TMEM91: variants seen among roughly 807,000 people sequenced by gnomAD.
TMEM91 encodes dispanin subfamily C member 3.
A neutral mutation model predicts 13.3 loss-of-function variants in TMEM91; 6 were observed. That is an observed-to-expected ratio of 0.45 (90% CI 0.25 to 0.89). The LOEUF (loss-of-function observed/expected upper bound fraction) is 0.89. TMEM91 is among the 40% of genes least tolerant of loss of function. The probability of loss-of-function intolerance (pLI) is 0.19; values close to 1 mark genes in which losing one functional copy is unlikely to be tolerated. For synonymous variants in TMEM91, 87 were observed against 101.7 expected (o/e 0.86, Z 0.87); for missense variants, 193 against 228.7 (o/e 0.84, Z 1.01).
chr19:41,382,751 T>TGG, intron 2 of TMEM91, 21 bp from the exon 3 acceptor site: 4 of 1,609,244 alleles, frequency 2.5e-6, no homozygotes, highest in Non-Finnish European at 3.4e-6. Flanking sequence ...GATGCCCACC[T>TGG]GGGCACTTTC....
intron 1 of TMEM91, among the ~76,000 whole-genome samples, chr19:41,369,448 A>C (rs1426834217): frequency 6.8e-6 from 1 of 147,906 alleles, no homozygotes; most frequent in Admixed American, 6.8e-5. Context: ...TCCAGGCTGC[A>C]GTGAGCTATG....
chr19:41,372,580 C>G (rs1460443091), upstream of TMEM91, among the ~76,000 whole-genome samples: 5 of 152,076 alleles, frequency 3.3e-5, no homozygotes, highest in African/African-American at 1.2e-4. Flanking sequence ...TAGGCGACCT[C>G]CTTTGTAGAG....
At chr19:41,379,265 C>T (rs949299332) in intron 2 of TMEM91, among the ~76,000 whole-genome samples, 2 of 149,906 alleles carry the variant, frequency 1.3e-5, no homozygotes, top group Admixed American at 6.7e-5. Flanking sequence ...AGGACTGCCT[C>T]GCCCAGGAGT....
upstream of TMEM91, among the ~76,000 whole-genome samples, chr19:41,375,644 C>T (rs2038702792): frequency 6.6e-6 from 1 of 151,496 alleles, no homozygotes; most frequent in Non-Finnish European, 1.5e-5. Flanking sequence ...CAGCACTCCT[C>T]CGCAAAAAAA....
intron 1 of TMEM91, among the ~76,000 whole-genome samples, chr19:41,365,326 T>C (rs1250562104): frequency 2.0e-5 from 3 of 152,214 alleles, no homozygotes; most frequent in South Asian, 2.1e-4. Context: ...TAATAATGCA[T>C]ATATCAACTA....
chr19:41,381,437 T>C (rs901514565), intron 2 of TMEM91, among the ~76,000 whole-genome samples: 1 of 150,008 alleles, frequency 6.7e-6, no homozygotes, highest in Non-Finnish European at 1.5e-5. Flanking sequence ...CTCGGCTCAC[T>C]GCAAGCTCTG....
intron 3 of TMEM91, 171 bp downstream of exon 3, chr19:41,383,092 C>G: frequency 2.1e-6 from 2 of 947,494 alleles, no homozygotes; most frequent in Non-Finnish European, 3.1e-6. Context: ...CTCACTTTGT[C>G]GCCCAGGCTG....
At chr19:41,378,137 TG>T in intron 1 of TMEM91, 143 bp from the exon 2 acceptor site, 1 of 613,716 alleles carries the variant, frequency 1.6e-6, no homozygotes, top group Non-Finnish European at 2.8e-6. Context: ...TTTTTCTCTC[TG>T]GGCCTCAGCT....
At chr19:41,366,940 C>A (rs1012596028) in intron 1 of TMEM91, among the ~76,000 whole-genome samples, 2 of 151,378 alleles carry the variant, frequency 1.3e-5, no homozygotes, top group African/African-American at 4.9e-5. Flanking sequence ...GAGTTCGAGA[C>A]CAGCCTGGCC....
chr19:41,365,372 T>C (rs903642015), intron 1 of TMEM91, among the ~76,000 whole-genome samples: 2 of 152,140 alleles, frequency 1.3e-5, no homozygotes, highest in Non-Finnish European at 2.9e-5. Flanking sequence ...ATATAAATGT[T>C]ATCCTATTGA....
At chr19:41,372,113 C>T (rs553379721), upstream of TMEM91, among the ~76,000 whole-genome samples, 2 of 129,162 alleles carry the variant, frequency 1.5e-5, no homozygotes, top group East Asian at 2.4e-4. Flanking sequence ...CAGTAGGGGG[C>T]GGGGGTGGGG....
intron 2 of TMEM91, among the ~76,000 whole-genome samples, 199 bp from the exon 3 acceptor site, chr19:41,382,573 C>T (rs145531970): frequency 4.6e-5 from 7 of 152,324 alleles, no homozygotes; most frequent in African/African-American, 1.4e-4. Flanking sequence ...GAGACTGTGC[C>T]ATTGTACCCC....
chr19:41,371,449 G>T (rs2038622189), intron 1 of TMEM91, among the ~76,000 whole-genome samples: 2 of 135,064 alleles, frequency 1.5e-5, no homozygotes, highest in Non-Finnish European at 1.6e-5. Context: ...CTTTCTTTCT[G>T]TTGCTCTGTC....
intron 1 of TMEM91, among the ~76,000 whole-genome samples, chr19:41,378,035 C>CAAAAA (rs11449744): frequency 2.0e-5 from 2 of 101,722 alleles, no homozygotes; most frequent in Non-Finnish European, 1.9e-5. Context: ...GACTTTGTCT[C>CAAAAA]AAAAAAAAAA....
At chr19:41,370,713 A>T (rs1359499005) in intron 1 of TMEM91, among the ~76,000 whole-genome samples, 1 of 149,080 alleles carries the variant, frequency 6.7e-6, no homozygotes, top group African/African-American at 2.5e-5. Flanking sequence ...CCACCTATTT[A>T]TTTTTTTGAG....
intron 1 of TMEM91, among the ~76,000 whole-genome samples, chr19:41,368,218 C>T (rs974599650): frequency 1.3e-5 from 2 of 151,858 alleles, no homozygotes; most frequent in East Asian, 3.9e-4. Context: ...CTGGACCAGA[C>T]TAGGCAACGT....
chr19:41,375,303 C>CG (rs1281112412), upstream of TMEM91, among the ~76,000 whole-genome samples: 6 of 64,618 alleles, frequency 9.3e-5, no homozygotes, highest in Non-Finnish European at 1.6e-4. Context: ...TTTTTTGAGA[C>CG]GGAGTCTTGC....
chr19:41,379,770 A>G (rs937667065), intron 2 of TMEM91, among the ~76,000 whole-genome samples: 34 of 151,288 alleles, frequency 2.2e-4, no homozygotes, highest in African/African-American at 8.0e-4. Context: ...TTTGGGACTT[A>G]GTTGCATGGT....
chr19:41,382,638 T>C, intron 2 of TMEM91, 134 bp from the exon 3 acceptor site: 1 of 1,284,670 alleles, frequency 7.8e-7, no homozygotes, highest in Non-Finnish European at 1.1e-6. Flanking sequence ...AGCCCATCTC[T>C]GAACACTTTT....
Sources: allele counts gnomAD v4.1 joint callset (sites outside exome capture counted in the v4.1 genomes callset), GRCh38; gene constraint gnomAD v4.1.1; transcripts MANE v1.5; gene names NCBI Gene and HGNC (gene_info 2026-07-23, HGNC 2026-07-21).